FYB1: variants seen among roughly 807,000 people sequenced by gnomAD.
The protein encoded by FYB1 is FYN binding protein 1.
In FYB1, 41 loss-of-function variants were observed where a neutral mutation model predicts 94.1. That is an observed-to-expected ratio of 0.44 (90% confidence interval 0.34 to 0.57). FYB1 has a LOEUF of 0.57. FYB1 is among the 20% of genes least tolerant of loss of function. The probability of loss-of-function intolerance (pLI) is 0.02; values close to 1 mark genes in which losing one functional copy is unlikely to be tolerated. For missense variants in FYB1, 1,050 were observed against 976.8 expected (o/e 1.07, Z -1.00); for synonymous variants, 367 against 353.2 (o/e 1.04, Z -0.44).
chr5:39,234,134 T>C (rs1750859828), intron 1 of FYB1, among the ~76,000 whole-genome samples: 1 of 152,124 alleles, frequency 6.6e-6, no homozygotes, highest in East Asian at 1.9e-4. Context: ...TAGTTCCATA[T>C]TCACTGCCCC....
intron 1 of FYB1, among the ~76,000 whole-genome samples, chr5:39,238,845 C>T (rs929426099): frequency 1.3e-5 from 2 of 152,092 alleles, no homozygotes; most frequent in African/African-American, 4.8e-5. Flanking sequence ...CTTTAAACCA[C>T]TTCTCCTTGT....
At chr5:39,182,729 T>G (rs1746376757) in intron 2 of FYB1, among the ~76,000 whole-genome samples, 1 of 152,240 alleles carries the variant, frequency 6.6e-6, no homozygotes, top group African/African-American at 2.4e-5. Context: ...TAGAATAAAG[T>G]GCCCAGTGGA....
At chr5:39,149,146 CA>C (rs773222895) in intron 3 of FYB1, among the ~76,000 whole-genome samples, 1 of 152,144 alleles carries the variant, frequency 6.6e-6, no homozygotes, top group Non-Finnish European at 1.5e-5. Context: ...ACTTTGGCCT[CA>C]ACTACTTTAT....
chr5:39,206,826 A>C (rs916811426), intron 1 of FYB1, among the ~76,000 whole-genome samples: 13 of 152,106 alleles, frequency 8.5e-5, no homozygotes, highest in African/African-American at 2.9e-4. Context: ...TTCACAAACA[A>C]ACACCCTTCC....
chr5:39,233,720 C>T (rs1276524363), intron 1 of FYB1, among the ~76,000 whole-genome samples: 1 of 152,078 alleles, frequency 6.6e-6, no homozygotes, highest in East Asian at 1.9e-4. Flanking sequence ...GTTTGCTCTG[C>T]ATTCAGTCTG....
chr5:39,214,305 T>C (rs930725672), intron 1 of FYB1, among the ~76,000 whole-genome samples: 10 of 152,204 alleles, frequency 6.6e-5, no homozygotes, highest in Admixed American at 5.9e-4. Context: ...CATAAAATGG[T>C]ACAGCTGCTA....
At chr5:39,160,765 A>G (rs377134734) in intron 2 of FYB1, among the ~76,000 whole-genome samples, 2 of 152,344 alleles carry the variant, frequency 1.3e-5, no homozygotes, top group East Asian at 3.9e-4. Flanking sequence ...GTAGGTATTC[A>G]GTGCTACTTA....
chr5:39,113,353 T>A (rs1288725271), intron 16 of FYB1, among the ~76,000 whole-genome samples: 1 of 152,096 alleles, frequency 6.6e-6, no homozygotes, highest in Non-Finnish European at 1.5e-5. Context: ...ATATTGTGAG[T>A]GCGGTCACAC....
At chr5:39,127,188 A>T (rs1457434485) in intron 11 of FYB1, among the ~76,000 whole-genome samples, 4 of 151,482 alleles carry the variant, frequency 2.6e-5, no homozygotes, top group Non-Finnish European at 5.9e-5. Flanking sequence ...AATTATTATA[A>T]ATGAACAGAT....
rs569435652 is a variant in FYB1 at position 39,202,435 on chromosome 5, C to A, written c.526G>T (p.Val176Phe). 1 of 1,613,786 alleles carries A rather than the reference C, an allele frequency of 6.2e-7. No individual in the cohort carries two copies. The highest frequency in any genetic ancestry group is 1.3e-5 in the African/African-American group (1 of 74,882). ...QKQAFPKLTG[V>F]KGKFMSASQD... The stretch of plus-strand genomic sequence containing the variant: ...GATGCTGACATAAATTTCCCTTTAA[C>A]CCCAGTCAATTTGGGAAACGCTTGC... Residue 176 changes from valine to phenylalanine, a missense_variant, in exon 2 of 19, where the codon GTT (valine) becomes TTT (phenylalanine). By Grantham distance (50) the Val-to-Phe change is conservative. Coordinates refer to ENST00000512982, the MANE Select transcript of FYB1 (RefSeq NM_001465.6).
At chr5:39,244,917 T>G (rs899647627) in intron 1 of FYB1, among the ~76,000 whole-genome samples, 1 of 152,218 alleles carries the variant, frequency 6.6e-6, no homozygotes, top group African/African-American at 2.4e-5. Flanking sequence ...GGTTTTCTAG[T>G]TTATTTGCAT....
intron 16 of FYB1, 151 bp downstream of exon 16, chr5:39,118,723 C>G: frequency 2.2e-6 from 1 of 448,234 alleles, no homozygotes; most frequent in South Asian, 8.0e-5. Flanking sequence ...GCATAATGAC[C>G]AACTTCTGAA....
At chr5:39,270,662 T>C (rs1400712316) in intron 1 of FYB1, 3 of 1,280,902 alleles carry the variant, frequency 2.3e-6, no homozygotes, top group East Asian at 5.1e-5. Flanking sequence ...CTATGCAGAG[T>C]GTACTTCCTT....
At chr5:39,256,626 C>T (rs1198115370) in intron 1 of FYB1, among the ~76,000 whole-genome samples, 1 of 152,152 alleles carries the variant, frequency 6.6e-6, no homozygotes, top group East Asian at 1.9e-4. Context: ...CGATTTCACC[C>T]TCACAGTCTT....
At chr5:39,108,851 T>G (rs1738787681) in intron 17 of FYB1, among the ~76,000 whole-genome samples, 1 of 152,142 alleles carries the variant, frequency 6.6e-6, no homozygotes, top group African/African-American at 2.4e-5. Flanking sequence ...ATAGTAATTT[T>G]GGTACTTTTA....
At chr5:39,224,095 A>G (rs1415320413), upstream of FYB1, among the ~76,000 whole-genome samples, 2 of 152,192 alleles carry the variant, frequency 1.3e-5, no homozygotes, top group Admixed American at 6.5e-5. Flanking sequence ...TTTTTCCACA[A>G]TTAAAAAAAT....
At chr5:39,221,957 C>T (rs1251753401), upstream of FYB1, among the ~76,000 whole-genome samples, 1 of 151,938 alleles carries the variant, frequency 6.6e-6, no homozygotes, top group Non-Finnish European at 1.5e-5. Context: ...GCTGAGATTG[C>T]ACCATTGCAC....
intron 2 of FYB1, among the ~76,000 whole-genome samples, chr5:39,161,660 T>C (rs977083694): frequency 6.6e-6 from 1 of 152,180 alleles, no homozygotes; most frequent in Non-Finnish European, 1.5e-5. Flanking sequence ...ACCAGTCTCA[T>C]TATTTCTGGT....
chr5:39,120,638 G>A (rs1371391895), intron 14 of FYB1, among the ~76,000 whole-genome samples: 5 of 152,126 alleles, frequency 3.3e-5, no homozygotes, highest in Admixed American at 3.3e-4. Context: ...ATTCACTAGA[G>A]TTAAATTATG....
Sources: allele counts gnomAD v4.1 joint callset (sites outside exome capture counted in the v4.1 genomes callset), GRCh38; gene constraint gnomAD v4.1.1; transcripts MANE v1.5; gene names NCBI Gene and HGNC (gene_info 2026-07-23, HGNC 2026-07-21).